APBA2: variants seen among roughly 807,000 people sequenced by gnomAD.
The protein encoded by APBA2 is amyloid-beta A4 precursor protein-binding family A member 2.
APBA2 carries 30 observed loss-of-function variants against 75.0 expected under a neutral mutation model. That is an observed-to-expected ratio of 0.40 (90% CI 0.30 to 0.54). The LOEUF (loss-of-function observed/expected upper bound fraction) is 0.54. Among genes scored for constraint, APBA2 ranks in the 20% least tolerant of loss-of-function variants. The pLI, the probability that APBA2 is intolerant of heterozygous loss-of-function variation, is 0.49. For synonymous variants in APBA2, 444 were observed against 409.6 expected (o/e 1.08, Z -1.01); for missense variants, 801 against 1,016.1 (o/e 0.79, Z 2.88).
intron 9 of APBA2, among the ~76,000 whole-genome samples, chr15:29,100,655 C>T (rs1168916257): frequency 6.6e-6 from 1 of 152,196 alleles, no homozygotes; most frequent in African/African-American, 2.4e-5. Context: ...TGTTTGGGCT[C>T]CCTGGGAAGA....
chr15:29,054,554 G>A lies in APBA2; in HGVS notation c.670G>A (p.Glu224Lys), dbSNP rs766126956. 1 of 1,613,640 alleles carries A rather than the reference G, an allele frequency of 6.2e-7. No homozygotes were observed. The highest frequency in any genetic ancestry group is 8.5e-7 in the Non-Finnish European group (1 of 1,179,856). ...RGDGDLEDQE[E>K]DIDQIVAEIK... is the part of the protein sequence containing the mutation. ...GGATGGGGACCTGGAGGACCAGGAGGAGGACATTGACCAGATCGTGGCAGA... is the reference window on the plus strand; with the variant it reads ...GGATGGGGACCTGGAGGACCAGGAGAAGGACATTGACCAGATCGTGGCAGA... The change falls in exon 4 of 15, where the codon GAG becomes AAG. Residue 224 changes from glutamate (E) to lysine (K), a missense_variant. Glu to Lys is a moderately conservative substitution (Grantham distance 56). Around this residue, in one of 2 missense-constraint regions of APBA2, gnomAD observed 434 missense variants for 471.6 expected, o/e 0.92. Coordinates refer to ENST00000683413, the MANE Select transcript of APBA2 (RefSeq NM_001353788.2). The surrounding 1 kb of genome is among the most constrained non-coding windows in gnomAD (Gnocchi z 6.1).
chr15:28,961,174 T>C (rs2036449604), intron 2 of APBA2: 1 of 152,224 alleles, frequency 6.6e-6, no homozygotes. Flanking sequence ...CAAATCCCCA[T>C]ATACGCTTAA....
intron 13 of APBA2, among the ~76,000 whole-genome samples, chr15:29,110,829 C>A (rs2044688176): frequency 6.6e-6 from 1 of 152,150 alleles, no homozygotes; most frequent in South Asian, 2.1e-4. Context: ...GGTTCTGTGC[C>A]TTTCTTCCCA....
At chr15:29,020,175 G>A (rs1208428820) in intron 3 of APBA2, among the ~76,000 whole-genome samples, 1 of 152,018 alleles carries the variant, frequency 6.6e-6, no homozygotes, top group African/African-American at 2.4e-5. Flanking sequence ...GAGTGTTTGG[G>A]TGTGTGGGTA....
chr15:29,010,407 C>T (rs192414475), intron 3 of APBA2, among the ~76,000 whole-genome samples: 137 of 152,176 alleles, frequency 9.0e-4, no homozygotes, highest in Middle Eastern at 6.8e-3. Context: ...TACAGGCGCC[C>T]GCCACCAGCC....
At chr15:28,950,639 A>AG (rs2035812716) in intron 2 of APBA2, among the ~76,000 whole-genome samples, 1 of 150,962 alleles carries the variant, frequency 6.6e-6, no homozygotes. Context: ...AAAAAAAAAA[A>AG]GAAAGCAAAA....
chr15:28,931,118 C>T (rs1041873492), intron 2 of APBA2, among the ~76,000 whole-genome samples: 3 of 152,376 alleles, frequency 2.0e-5, no homozygotes, highest in Admixed American at 6.5e-5. Flanking sequence ...TGAGGCACAG[C>T]CCTTCACGGA....
chr15:28,915,180 C>G (rs2033624577), intron 1 of APBA2, among the ~76,000 whole-genome samples: 10 of 1,090 alleles, frequency 9.2e-3, no homozygotes, highest in South Asian at 0.025. Flanking sequence ...CATACATACC[C>G]CATATATACC....
chr15:28,979,096 T>C (rs771078318), intron 2 of APBA2, among the ~76,000 whole-genome samples: 1 of 152,226 alleles, frequency 6.6e-6, no homozygotes, highest in Non-Finnish European at 1.5e-5. Flanking sequence ...CTGAGCACTG[T>C]GCCTGGAGCA....
intron 14 of APBA2, among the ~76,000 whole-genome samples, chr15:29,115,120 C>T (rs2045011437): frequency 6.6e-6 from 1 of 151,898 alleles, no homozygotes; most frequent in South Asian, 2.1e-4. Context: ...GCCCGGCCTA[C>T]AGAGGGGCCC....
chr15:28,910,168 A>C (rs149340332), intron 1 of APBA2, among the ~76,000 whole-genome samples: 9,331 of 152,184 alleles, frequency 0.061, 969 homozygotes, highest in African/African-American at 0.21. Context: ...CATTATAAGC[A>C]CTTTCAGCAT....
intron 2 of APBA2, among the ~76,000 whole-genome samples, chr15:28,924,342 G>T (rs886265871): frequency 1.3e-5 from 2 of 152,118 alleles, no homozygotes; most frequent in Non-Finnish European, 2.9e-5. Context: ...GCAGTGTTGG[G>T]CACCCACTAT....
Position 29,068,661 on chromosome 15 carries a change from T to G in APBA2, c.952-6260T>G, listed in dbSNP as rs1253255499. Among the ~76,000 whole-genome samples, 3 of 152,186 alleles carry G rather than the reference T, an allele frequency of 2.0e-5. 1 individual carries two copies. The highest frequency in any genetic ancestry group is 6.3e-3 in the Middle Eastern group (2 of 316). ...GGGCTGTCAGTGGTTGATGGACAGC[T>G]GCCTCTGCTGCCTGGATGACCCACC... On this transcript the variant is annotated intron_variant, in intron 4 of 14. Transcript: ENST00000683413.
chr15:29,040,615 T>A (rs933109445), intron 3 of APBA2, among the ~76,000 whole-genome samples: 9 of 152,252 alleles, frequency 5.9e-5, no homozygotes, highest in African/African-American at 2.2e-4. Flanking sequence ...GTTAACTCCA[T>A]CCCCTAACGA....
chr15:29,111,037 G>A (rs2044700387), intron 13 of APBA2, among the ~76,000 whole-genome samples: 1 of 152,098 alleles, frequency 6.6e-6, no homozygotes. Flanking sequence ...AGATCAGGGG[G>A]TGCAGGGTTG....
chr15:28,979,618 C>T (rs538722173), intron 2 of APBA2, among the ~76,000 whole-genome samples: 2 of 152,280 alleles, frequency 1.3e-5, no homozygotes, highest in East Asian at 3.9e-4. Flanking sequence ...CAGCGCAGGT[C>T]CTCCCCTGGC....
intron 4 of APBA2, among the ~76,000 whole-genome samples, chr15:29,063,710 AGAT>A (rs965414890): frequency 2.7e-5 from 4 of 146,918 alleles, no homozygotes; most frequent in Non-Finnish European, 4.5e-5. Flanking sequence ...GTGCTTGTGC[AGAT>A]GATGATGATG....
intron 1 of APBA2, among the ~76,000 whole-genome samples, chr15:28,897,182 GACAC>G (rs368122549): frequency 0.029 from 4,363 of 148,050 alleles, 212 homozygotes; most frequent in African/African-American, 0.1. Flanking sequence ...CAAAAGACAC[GACAC>G]ACACACACAC....
chr15:28,969,178 TTC>T (rs1491485733), intron 2 of APBA2, among the ~76,000 whole-genome samples: 1 of 126,172 alleles, frequency 7.9e-6, no homozygotes, highest in Non-Finnish European at 1.5e-5. Context: ...CTTTCTTTCT[TTC>T]TTTTTTTTAT....
Sources: gnomAD v4.1 joint callset for allele counts (sites outside exome capture counted in the v4.1 genomes callset) on GRCh38, gnomAD v4.1.1 for gene constraint, gnomAD v4.1.1 regional missense constraint, Gnocchi (gnomAD v3.1) non-coding constraint, MANE v1.5 for transcripts, NCBI Gene and HGNC (gene_info 2026-07-23, HGNC 2026-07-21) for gene names.